The following BNC2 variants were observed in gnomAD, a reference collection of about 807,000 sequenced individuals.
BNC2 encodes zinc finger protein basonuclin-2.
A neutral mutation model predicts 76.3 loss-of-function variants in BNC2; 20 were observed. That is an observed-to-expected ratio of 0.26 (90% CI 0.18 to 0.38). BNC2 has a LOEUF of 0.38. Among genes scored for constraint, BNC2 ranks in the 10% least tolerant of loss-of-function variants. The pLI, the probability that BNC2 is intolerant of heterozygous loss-of-function variation, is 1.00. For missense variants in BNC2, 1,382 were observed against 1,399.8 expected (o/e 0.99, Z 0.20); for synonymous variants, 582 against 514.8 (o/e 1.13, Z -1.77).
chr9:16,828,999 G>A (rs374400187), intron 1 of BNC2, among the ~76,000 whole-genome samples: 5 of 152,052 alleles, frequency 3.3e-5, no homozygotes, highest in East Asian at 1.9e-4. Context: ...GGGGGGCGGC[G>A]GGGTGGGCTG....
intron 1 of BNC2, among the ~76,000 whole-genome samples, chr9:16,788,753 G>T (rs999611034): frequency 6.6e-6 from 1 of 152,000 alleles, no homozygotes; most frequent in Non-Finnish European, 1.5e-5. Context: ...AGGAAGGAGA[G>T]AAATCAACTC....
intron 3 of BNC2, among the ~76,000 whole-genome samples, chr9:16,672,675 C>T (rs919059627): frequency 6.6e-6 from 1 of 152,122 alleles, no homozygotes; most frequent in Non-Finnish European, 1.5e-5. Context: ...TAAGTAGGAA[C>T]AACAAACTCC....
chr9:16,830,977 C>T (rs1436727968), intron 1 of BNC2, among the ~76,000 whole-genome samples: 3 of 152,184 alleles, frequency 2.0e-5, no homozygotes, highest in Non-Finnish European at 4.4e-5. Context: ...TGAATGAAGC[C>T]AGTAACAGAT....
intron 1 of BNC2, among the ~76,000 whole-genome samples, chr9:16,824,564 A>G (rs900079338): frequency 1.1e-4 from 16 of 152,172 alleles, no homozygotes; most frequent in African/African-American, 3.4e-4. Context: ...CATATTCTCA[A>G]TGCTCCAGCA....
At chr9:16,710,532 G>A (rs533852848) in intron 3 of BNC2, among the ~76,000 whole-genome samples, 61 of 152,226 alleles carry the variant, frequency 4.0e-4, no homozygotes, top group Non-Finnish European at 7.9e-4. Context: ...AAAATCTTAG[G>A]AGACCGAACA....
At chr9:16,791,046 A>G (rs891874832) in intron 1 of BNC2, among the ~76,000 whole-genome samples, 47 of 151,772 alleles carry the variant, frequency 3.1e-4, no homozygotes, top group African/African-American at 1.1e-3. Flanking sequence ...AGTGTATGGG[A>G]TTTTATACAA....
At position 16,435,824 on chromosome 9, in the gene BNC2, C is replaced by T; in HGVS notation, c.2370G>A (p.Gln790=). 1 of 1,614,174 alleles carries T rather than the reference C, an allele frequency of 6.2e-7. No individual in the cohort carries two copies. Among genetic ancestry groups the T allele is most frequent in the East Asian group, 2.2e-5 (1 of 44,868 alleles). The change falls in exon 6 of 7, where the codon CAG becomes CAA. Residue 790 remains glutamine (Q), a synonymous_variant. Transcript: ENST00000380672. Reference sequence around the variant, plus strand: ...CACCCCCACCATTGTACAGTCCATACTGGCTCATGTAAAACATGTCGTAAG... The same window carrying T: ...CACCCCCACCATTGTACAGTCCATATTGGCTCATGTAAAACATGTCGTAAG... ...DPTYDMFYMS[Q]YGLYNGGGAS...
intron 1 of BNC2, among the ~76,000 whole-genome samples, chr9:16,763,282 C>A (rs983920096): frequency 1.3e-5 from 2 of 152,096 alleles, no homozygotes; most frequent in Admixed American, 6.5e-5. Flanking sequence ...GCAAAATCAC[C>A]TTCAGGGTCA....
intron 3 of BNC2, among the ~76,000 whole-genome samples, chr9:16,696,420 C>A (rs977097764): frequency 6.6e-6 from 1 of 152,150 alleles, no homozygotes; most frequent in African/African-American, 2.4e-5. Flanking sequence ...GGAATACCCT[C>A]GCCTGTATTC....
At chr9:16,829,493 T>C (rs1417349021) in intron 1 of BNC2, among the ~76,000 whole-genome samples, 3 of 152,182 alleles carry the variant, frequency 2.0e-5, no homozygotes, top group Admixed American at 6.5e-5. Context: ...GTTGGTTCCC[T>C]AACCCAAAAC....
intron 1 of BNC2, among the ~76,000 whole-genome samples, chr9:16,761,222 T>C (rs1825543495): frequency 6.6e-6 from 1 of 152,104 alleles, no homozygotes; most frequent in South Asian, 2.1e-4. Context: ...CACTCCAGCC[T>C]GGCAGACAGA....
At chr9:16,445,564 G>C (rs1265856174) in intron 5 of BNC2, among the ~76,000 whole-genome samples, 1 of 151,750 alleles carries the variant, frequency 6.6e-6, no homozygotes, top group Non-Finnish European at 1.5e-5. Context: ...TTGGAAATTT[G>C]TATTTTGCAG....
chr9:16,780,950 A>T, intron 1 of BNC2, among the ~76,000 whole-genome samples: 1 of 152,236 alleles, frequency 6.6e-6, no homozygotes, highest in Non-Finnish European at 1.5e-5. Flanking sequence ...CACTAACCAA[A>T]AAGAGTACTT....
At chr9:16,689,026 AGTGGGCATT>A (rs1823064893) in intron 3 of BNC2, among the ~76,000 whole-genome samples, 1 of 152,148 alleles carries the variant, frequency 6.6e-6, no homozygotes, top group Non-Finnish European at 1.5e-5. Flanking sequence ...AGGGAGGGCC[AGTGGGCATT>A]CACTTCGGTG....
chr9:16,605,674 G>A (rs1220498243), intron 3 of BNC2, among the ~76,000 whole-genome samples: 1 of 151,262 alleles, frequency 6.6e-6, no homozygotes, highest in South Asian at 2.1e-4. Flanking sequence ...TGAAATGGAA[G>A]TTTATTACAG....
intron 1 of BNC2, among the ~76,000 whole-genome samples, chr9:16,745,358 G>A (rs1471045909): frequency 6.6e-6 from 1 of 152,148 alleles, no homozygotes; most frequent in Non-Finnish European, 1.5e-5. Flanking sequence ...TAAAACACAA[G>A]AAATTTTAAA....
At chr9:16,561,890 G>T (rs946595848) in intron 4 of BNC2, among the ~76,000 whole-genome samples, 1 of 152,060 alleles carries the variant, frequency 6.6e-6, no homozygotes, top group Non-Finnish European at 1.5e-5. Flanking sequence ...TGTAGTCCCA[G>T]CTACTCGGGA....
chr9:16,857,194 C>A (rs1005169795), intron 1 of BNC2, among the ~76,000 whole-genome samples: 3 of 151,980 alleles, frequency 2.0e-5, no homozygotes, highest in East Asian at 1.9e-4. Context: ...GAAGTGATTT[C>A]AGGCCAGGCA....
chr9:16,568,687 G>T (rs767894731), intron 4 of BNC2, among the ~76,000 whole-genome samples: 1 of 152,138 alleles, frequency 6.6e-6, no homozygotes, highest in Non-Finnish European at 1.5e-5. Flanking sequence ...CTCTTAGATT[G>T]TAAGCTAGAT....
Sources: gnomAD v4.1 joint callset for allele counts (sites outside exome capture counted in the v4.1 genomes callset) on GRCh38, gnomAD v4.1.1 for gene constraint, MANE v1.5 for transcripts, NCBI Gene and HGNC (gene_info 2026-07-23, HGNC 2026-07-21) for gene names.